The following LRRFIP1 variants were observed in gnomAD, a reference collection of about 807,000 sequenced individuals.
LRRFIP1 encodes LRR binding FLII interacting protein 1, also known as leucine-rich repeat flightless-interacting protein 1.
Under a neutral mutation model 104.4 loss-of-function variants are expected in LRRFIP1, and 62 were observed. The observed-to-expected ratio is 0.59, with a 90% CI of 0.48 to 0.73. The LOEUF is 0.73. LRRFIP1 is among the 30% of genes least tolerant of loss of function. The pLI is 0.00. For synonymous variants in LRRFIP1, 300 were observed against 299.0 expected, an observed-to-expected ratio of 1.00 and a Z score of -0.03; for missense variants, 796 against 824.5, an observed-to-expected ratio of 0.97 and a Z score of 0.42.
At chr2:237,702,343 CTGTAAGACCTAGT>C (rs1485518882) in intron 1 of LRRFIP1, among the ~76,000 whole-genome samples, 1 of 152,152 alleles carries the variant, frequency 6.6e-6, no homozygotes, top group Non-Finnish European at 1.5e-5. Flanking sequence ...GAGTATCTTG[CTGTAAGACCTAGT>C]TCCTGTAAAA....
At chr2:237,769,008 G>A (rs1051658291) in intron 19 of LRRFIP1, 1 of 152,260 alleles carries the variant, frequency 6.6e-6, no homozygotes, top group African/African-American at 2.4e-5. Context: ...GGGCCGCAAG[G>A]CCTGAAGAAA....
At chr2:237,754,668 A>G (rs2059057919) in intron 15 of LRRFIP1, among the ~76,000 whole-genome samples, 1 of 152,228 alleles carries the variant, frequency 6.6e-6, no homozygotes, top group Admixed American at 6.5e-5. Context: ...CGACTGCTAT[A>G]GAATTGAGTT....
intron 23 of LRRFIP1, among the ~76,000 whole-genome samples, chr2:237,775,954 ATTTGATTTTAT>A (rs1213591726): frequency 1.3e-5 from 2 of 151,538 alleles, no homozygotes; most frequent in African/African-American, 4.9e-5. Flanking sequence ...TATTTATTTT[ATTTGATTTTAT>A]TTTATTTATT....
rs1201459361 is a variant in LRRFIP1 at position 237,780,627 on chromosome 2, T to C, written c.*1095T>C. Reference sequence around the variant, plus strand: ...ATGGCTGGTGAAGCCAGTCAGCTTTTCGGGACGTTAGCAAGTGGAAACTGA... The same window carrying C: ...ATGGCTGGTGAAGCCAGTCAGCTTTCCGGGACGTTAGCAAGTGGAAACTGA... On this transcript the variant is annotated 3_prime_UTR_variant, in exon 24 of 24. Coordinates refer to ENST00000308482, the MANE Select transcript of LRRFIP1 (RefSeq NM_001137550.2). Among the ~76,000 whole-genome samples the C allele has an allele frequency of 6.6e-6, 1 of 152,192 alleles. No homozygotes were observed. The highest frequency in any genetic ancestry group is 1.5e-5 in the Non-Finnish European group (1 of 68,028).
In LRRFIP1 at chr2:237,667,422, T is replaced by C. The variant is rs183460448; in HGVS notation, c.96+39682T>C. On this transcript the variant is annotated intron_variant, in intron 1 of 23. Transcript: ENST00000308482. ...TATGGTTGCATAGTATTCCATGGTG[T>C]CTATGTGCCACATTTTCTTTATCCA... Among the ~76,000 whole-genome samples the C allele has an allele frequency of 2.1e-3, 323 of 152,356 alleles. 4 individuals are homozygous for C. In the East Asian group the frequency reaches 0.025, roughly 12 times the overall value.
At chr2:237,696,526 G>T (rs551278911) in intron 1 of LRRFIP1, among the ~76,000 whole-genome samples, 1 of 152,192 alleles carries the variant, frequency 6.6e-6, no homozygotes, top group Non-Finnish European at 1.5e-5. Flanking sequence ...CCCCTGCTGC[G>T]CCCACCTGGT....
chr2:237,772,569 C>T (rs1282376243), intron 21 of LRRFIP1: 3 of 499,864 alleles, frequency 6.0e-6, no homozygotes, highest in African/African-American at 5.7e-5. Context: ...AAAATTATGC[C>T]CAGTCTCTCT....
At chr2:237,774,840 G>C (rs998224207) in intron 23 of LRRFIP1, among the ~76,000 whole-genome samples, 1 of 152,252 alleles carries the variant, frequency 6.6e-6, no homozygotes, top group African/African-American at 2.4e-5. Context: ...GCCAAGAGCT[G>C]GGTGTGGCAC....
At chr2:237,642,785 A>G (rs942904249) in intron 1 of LRRFIP1, among the ~76,000 whole-genome samples, 3 of 151,980 alleles carry the variant, frequency 2.0e-5, no homozygotes, top group Admixed American at 6.6e-5. Context: ...GCCAGGCCCC[A>G]GGTTTTAGGC....
intron 1 of LRRFIP1, among the ~76,000 whole-genome samples, chr2:237,700,080 T>C (rs1202450473): frequency 2.0e-5 from 3 of 152,214 alleles, no homozygotes; most frequent in Non-Finnish European, 4.4e-5. Flanking sequence ...TGCCGTCCGT[T>C]CTTGTCCACG....
At chr2:237,778,021 ATTC>A (rs1256501802) in intron 23 of LRRFIP1, among the ~76,000 whole-genome samples, 3 of 151,978 alleles carry the variant, frequency 2.0e-5, no homozygotes, top group African/African-American at 7.3e-5. Context: ...TTGTATTCTT[ATTC>A]TTTAAATATT....
intron 3 of LRRFIP1, among the ~76,000 whole-genome samples, chr2:237,716,175 G>A (rs1277329642): frequency 3.9e-5 from 6 of 152,214 alleles, no homozygotes; most frequent in Admixed American, 1.3e-4. Context: ...AATAAGGGAG[G>A]AGTGATGGCA....
intron 1 of LRRFIP1, among the ~76,000 whole-genome samples, chr2:237,705,480 G>A (rs1489805545): frequency 2.6e-5 from 4 of 151,938 alleles, no homozygotes; most frequent in South Asian, 2.1e-4. Context: ...TGGGCAACAC[G>A]GCAAAACCCT....
At position 237,649,841 on chromosome 2, in the gene LRRFIP1, T is replaced by C. The variant is rs1211034586; in HGVS notation, c.96+22101T>C. 6.7e-6 allele frequency among the ~76,000 whole-genome samples: 1 copy of C among 150,088 alleles called. No individual in the cohort carries two copies. Among genetic ancestry groups the C allele is most frequent in the African/African-American group, 2.4e-5 (1 of 41,160 alleles). On this transcript the variant is annotated intron_variant, in intron 1 of 23. Transcript: ENST00000308482. This position sits in a 1 kb window ranked among gnomAD's most constrained non-coding sequence, Gnocchi z 4.1. Reference sequence around the variant, plus strand: ...ATTCATGTATTCACTTTTCCTCCGATTCAACAAAAAAAAAAATTGATTACC... The same window carrying C: ...ATTCATGTATTCACTTTTCCTCCGACTCAACAAAAAAAAAAATTGATTACC...
At chr2:237,680,522 C>A (rs769817399) in intron 1 of LRRFIP1, among the ~76,000 whole-genome samples, 1 of 152,174 alleles carries the variant, frequency 6.6e-6, no homozygotes, top group Non-Finnish European at 1.5e-5. Context: ...AGGTTATGTG[C>A]AAATACTCCA....
At chr2:237,765,942 T>C in intron 19 of LRRFIP1, 1 of 983,408 alleles carries the variant, frequency 1.0e-6, no homozygotes. Context: ...TTTGGGCTGC[T>C]TGAAGTCTGA....
chr2:237,736,737 G>T (rs758028550), intron 10 of LRRFIP1, among the ~76,000 whole-genome samples: 3 of 152,220 alleles, frequency 2.0e-5, no homozygotes, highest in Non-Finnish European at 4.4e-5. Context: ...AGGTCATCTT[G>T]TCCTGACAGC....
intron 8 of LRRFIP1, among the ~76,000 whole-genome samples, chr2:237,729,468 C>G (rs2094908855): frequency 7.1e-6 from 1 of 141,322 alleles, no homozygotes; most frequent in South Asian, 2.1e-4. Context: ...AGTTTACTGA[C>G]AACGCAGTGT....
At chr2:237,656,545 GCT>G (rs2086847424) in intron 1 of LRRFIP1, among the ~76,000 whole-genome samples, 1 of 152,194 alleles carries the variant, frequency 6.6e-6, no homozygotes, top group Non-Finnish European at 1.5e-5. Context: ...GTGGCCCTGA[GCT>G]CTCTCAAGAA....
Sources: allele counts gnomAD v4.1 joint callset (sites outside exome capture counted in the v4.1 genomes callset), GRCh38; gene constraint gnomAD v4.1.1; non-coding constraint Gnocchi (gnomAD v3.1); transcripts MANE v1.5; gene names NCBI Gene and HGNC (gene_info 2026-07-23, HGNC 2026-07-21).